The following GRID2 variants were observed in gnomAD, a reference collection of about 807,000 sequenced individuals.
The protein encoded by GRID2 is glutamate receptor ionotropic, delta-2.
GRID2 carries 33 observed loss-of-function variants against 114.8 expected under a neutral mutation model. That is an observed-to-expected ratio of 0.29 (90% CI 0.22 to 0.38). GRID2 has a LOEUF of 0.38. GRID2 is among the 10% of genes least tolerant of loss of function. The pLI is 1.00. For missense variants in GRID2, 1,184 were observed against 1,257.7 expected, an observed-to-expected ratio of 0.94 and a Z score of 0.89; for synonymous variants, 505 against 449.9, an observed-to-expected ratio of 1.12 and a Z score of -1.55.
intron 1 of GRID2, among the ~76,000 whole-genome samples, chr4:92,513,833 A>T (rs1222303917): frequency 1.3e-5 from 2 of 151,938 alleles, no homozygotes; most frequent in East Asian, 3.9e-4. Flanking sequence ...TATAAAGGAA[A>T]ACTATTTTGA....
intron 13 of GRID2, among the ~76,000 whole-genome samples, chr4:93,613,502 CT>C (rs1258921021): frequency 1.6e-5 from 1 of 60,844 alleles, no homozygotes; most frequent in Non-Finnish European, 3.6e-5. Context: ...TGTAGATGTC[CT>C]TTCTGGTTGT....
At chr4:92,743,094 T>C (rs1736972821) in intron 2 of GRID2, among the ~76,000 whole-genome samples, 1 of 152,114 alleles carries the variant, frequency 6.6e-6, no homozygotes, top group Admixed American at 6.6e-5. Flanking sequence ...TTGGACAACA[T>C]GGTGAAACCC....
In GRID2 at chr4:92,938,788, C is replaced by T. The variant is rs1035693673; in HGVS notation, c.245-146207C>T. On this transcript the variant is annotated intron_variant, in intron 2 of 15. Transcript: ENST00000282020. ...GTCCATGTGTTCTCATTATTCAATT[C>T]CCACCTATGAGTGAGACCATGCAGT... Among the ~76,000 whole-genome samples, 17 of 131,266 alleles carry T rather than the reference C, an allele frequency of 1.3e-4. 1 individual carries two copies. Among genetic ancestry groups the T allele is most frequent in the African/African-American group, 4.0e-4 (15 of 37,358 alleles). The allele number at this position is 131,266 out of a possible 152,430, so 86.1% of individuals were successfully genotyped here.
intron 2 of GRID2, among the ~76,000 whole-genome samples, chr4:92,874,029 T>G (rs1156459494): frequency 2.6e-5 from 4 of 152,122 alleles, no homozygotes; most frequent in Non-Finnish European, 4.4e-5. Context: ...TAATTCTTAT[T>G]AAAGAGCCCT....
At chr4:93,674,334 G>A (rs1469743054) in intron 14 of GRID2, among the ~76,000 whole-genome samples, 1 of 152,050 alleles carries the variant, frequency 6.6e-6, no homozygotes, top group Admixed American at 6.6e-5. Flanking sequence ...ATATTGAAGT[G>A]CCAGTCCATG....
intron 1 of GRID2, among the ~76,000 whole-genome samples, chr4:93,784,678 C>CCAT (rs1561002870): frequency 8.5e-6 from 1 of 118,210 alleles, no homozygotes; most frequent in Admixed American, 8.5e-5. Flanking sequence ...ACACACACCA[C>CCAT]GGTATCGCAG....
intron 8 of GRID2, among the ~76,000 whole-genome samples, chr4:93,320,132 G>A (rs1757060834): frequency 6.6e-6 from 1 of 152,052 alleles, no homozygotes; most frequent in Admixed American, 6.6e-5. Context: ...GCGAAAGAAA[G>A]GCTTTTAAAG....
At chr4:93,174,272 C>A (rs571311887) in intron 4 of GRID2, among the ~76,000 whole-genome samples, 1 of 152,246 alleles carries the variant, frequency 6.6e-6, no homozygotes, top group African/African-American at 2.4e-5. Context: ...ATACCTCCCC[C>A]CAAAACCCCA....
At chr4:92,458,650 A>G (rs561928074) in intron 1 of GRID2, among the ~76,000 whole-genome samples, 84 of 152,296 alleles carry the variant, frequency 5.5e-4, no homozygotes, top group Non-Finnish European at 1.0e-3. Flanking sequence ...TCATATAGCA[A>G]TCTTAATTTT....
chr4:92,554,844 T>A (rs1351668848), intron 1 of GRID2, among the ~76,000 whole-genome samples: 1 of 152,174 alleles, frequency 6.6e-6, no homozygotes, highest in Non-Finnish European at 1.5e-5. Flanking sequence ...TGTATTTGTG[T>A]CATGTCAGAC....
At chr4:92,709,589 AATATAT>A (rs1553919235) in intron 2 of GRID2, among the ~76,000 whole-genome samples, 7 of 114,638 alleles carry the variant, frequency 6.1e-5, no homozygotes, top group African/African-American at 2.4e-4. Context: ...AAAAAAAAAA[AATATAT>A]ATATATATAT....
chr4:93,189,773 CCACACACACACACACACACACA>C (rs34137840), intron 4 of GRID2, among the ~76,000 whole-genome samples: 2 of 138,898 alleles, frequency 1.4e-5, no homozygotes, highest in Non-Finnish European at 3.1e-5. Flanking sequence ...CCACACCACA[CCACACACACACACACACACACA>C]CACACACACA....
At chr4:93,577,840 G>T (rs972205299) in intron 13 of GRID2, among the ~76,000 whole-genome samples, 5 of 152,128 alleles carry the variant, frequency 3.3e-5, no homozygotes, top group African/African-American at 1.2e-4. Flanking sequence ...AAGCAAATTT[G>T]CATTTAATAT....
chr4:93,293,949 A>G (rs72874932), intron 8 of GRID2, among the ~76,000 whole-genome samples: 2,667 of 152,336 alleles, frequency 0.018, 82 homozygotes, highest in African/African-American at 0.06. Context: ...AACACATAAC[A>G]TATCATGTAC....
intron 1 of GRID2, among the ~76,000 whole-genome samples, chr4:92,511,298 C>T (rs1448021373): frequency 6.6e-6 from 1 of 151,664 alleles, no homozygotes. Context: ...ACATAAACTA[C>T]CAGAGTGAGA....
chr4:93,644,625 A>T (rs560258545), intron 14 of GRID2, among the ~76,000 whole-genome samples: 1 of 152,240 alleles, frequency 6.6e-6, no homozygotes, highest in Admixed American at 6.5e-5. Flanking sequence ...AATCAGCATG[A>T]ATTTTACTAG....
chr4:92,903,363 C>T (rs1159931560), intron 2 of GRID2, among the ~76,000 whole-genome samples: 19 of 151,816 alleles, frequency 1.3e-4, no homozygotes, highest in Non-Finnish European at 1.0e-4. Context: ...AATTAATATC[C>T]AATGCTCCTA....
In GRID2 at chr4:92,654,448, A is replaced by T. The variant is rs1189657011; in HGVS notation, c.244+64162A>T. 3.3e-5 allele frequency among the ~76,000 whole-genome samples: 5 copies of T among 152,108 alleles called. 1 individual carries two copies. The highest frequency in any genetic ancestry group is 6.6e-5 in the Admixed American group (1 of 15,250). Reference sequence around the variant, plus strand: ...CCATAACACTGCCCATACACTGAAGATTTCAAACTCATGAGTGGCATTATA... The same window carrying T: ...CCATAACACTGCCCATACACTGAAGTTTTCAAACTCATGAGTGGCATTATA... On this transcript the variant is annotated intron_variant, in intron 2 of 15. Transcript: ENST00000282020.
At chr4:92,391,931 G>T (rs1041660818) in intron 1 of GRID2, among the ~76,000 whole-genome samples, 3 of 152,106 alleles carry the variant, frequency 2.0e-5, no homozygotes, top group African/African-American at 7.2e-5. Flanking sequence ...ATCAATTCTG[G>T]AAAGGTATTT....
Sources: allele counts gnomAD v4.1 joint callset (sites outside exome capture counted in the v4.1 genomes callset), GRCh38; gene constraint gnomAD v4.1.1; transcripts MANE v1.5; gene names NCBI Gene and HGNC (gene_info 2026-07-23, HGNC 2026-07-21).